JUN: variants seen among roughly 807,000 people sequenced by gnomAD.
JUN encodes the protein transcription factor Jun.
JUN carries 7 observed loss-of-function variants against 19.7 expected under a neutral mutation model. That is an observed-to-expected ratio of 0.36 (90% CI 0.20 to 0.67). The LOEUF is 0.67. Ranked by LOEUF, JUN falls within the 30% of genes least tolerant of loss-of-function variation. JUN has a pLI of 0.64. For missense variants in JUN, 373 were observed against 451.0 expected, an observed-to-expected ratio of 0.83 and a Z score of 1.57; for synonymous variants, 246 against 206.9, an observed-to-expected ratio of 1.19 and a Z score of -1.62.
In JUN at chr1:58,781,820, ACAGCCCGTCCGCAAAGCGGG is replaced by A. The variant is rs1313353295; in HGVS notation, c.*235_*254del. 9.7e-6 allele frequency: 5 copies of A among 513,142 alleles called. No homozygotes were observed. Among genetic ancestry groups the A allele is most frequent in the African/African-American group, 1.9e-5 (1 of 51,360 alleles). 31.8% of individuals were successfully genotyped at this position (513,142 alleles called of 1,614,324 possible). Reference sequence around the variant, plus strand: ...AGTCCAACGTTCCGTTCGCGCGGGGACAGCCCGTCCGCAAAGCGGGGCAGCCCGCAGGCGGCCGCTCCCTG... The same window carrying A: ...AGTCCAACGTTCCGTTCGCGCGGGGAGCAGCCCGCAGGCGGCCGCTCCCTG... On this transcript the variant is annotated 3_prime_UTR_variant, in exon 1 of 1. Coordinates refer to ENST00000371222, the MANE Select transcript of JUN (RefSeq NM_002228.4).
At position 58,781,976 on chromosome 1, in the gene JUN, A is replaced by G. The variant is rs1021965903; in HGVS notation, c.*99T>C. On this transcript the variant is annotated 3_prime_UTR_variant, in exon 1 of 1. Transcript: ENST00000371222. ...ATACCCTTGGCTTTAGTTCTCGGAC[A>G]CTTCTTTTTTCTCTCCGTCGCAACT... The G allele has an allele frequency of 1.9e-6, 2 of 1,060,470 alleles. No homozygotes were observed. The highest frequency in any genetic ancestry group is 1.6e-5 in the African/African-American group (1 of 62,804). The allele number at this position is 1,060,470 out of a possible 1,614,324, so 65.7% of individuals were successfully genotyped here.
In JUN at chr1:58,782,841, TCCAGCTCGGGCGACG is replaced by T; in HGVS notation, c.215_229del (p.Ala72_Leu76del). 6.2e-7 allele frequency: 1 copy of T among 1,613,988 alleles called. No homozygotes were observed. Among genetic ancestry groups the T allele is most frequent in the South Asian group, 1.1e-5 (1 of 91,068 alleles). ...GTTGCTGGACTGGATTATCAGGCGC[TCCAGCTCGGGCGACG>T]CCAGCTTGAGCAGCCCCACGTCGGG... On this transcript the variant is annotated inframe_deletion, in exon 1 of 1. Coordinates refer to ENST00000371222, the MANE Select transcript of JUN (RefSeq NM_002228.4). The surrounding 1 kb of genome is among the most constrained non-coding windows in gnomAD (Gnocchi z 8.7).
At position 58,783,681 on chromosome 1, in the gene JUN, GGGACTCTGCCACTTGT is replaced by G; in HGVS notation, c.-627_-612del. 4.1e-6 allele frequency: 1 copy of G among 244,520 alleles called. No homozygotes were observed. Among genetic ancestry groups the G allele is most frequent in the South Asian group, 1.8e-4 (1 of 5,540 alleles). The allele number at this position is 244,520 out of a possible 1,614,324, so 15.1% of individuals were successfully genotyped here. A position where few individuals can be genotyped will look rare whatever the true frequency, so the allele number is the denominator to read the frequency against. On this transcript the variant is annotated 5_prime_UTR_variant, in exon 1 of 1. Transcript: ENST00000371222. ...GGAAAGGCTTGCAAAAGTTGGCTCC[GGGACTCTGCCACTTGT>G]CTCCGGTCCTCCCAGCCGGGAAAGT...
Position 58,782,066 on chromosome 1 carries a change from G to T in JUN, c.*9C>A. 1 of 1,600,500 alleles carries T rather than the reference G, an allele frequency of 6.2e-7. No homozygotes were observed. Among genetic ancestry groups the T allele is most frequent in the Non-Finnish European group, 8.6e-7 (1 of 1,168,816 alleles). ...TCTTCGTTGCCCCTCAGCCCCCGAC[G>T]GTCTCTCTTCAAAATGTTTGCAACT... is the stretch of plus-strand genomic sequence containing the variant. On this transcript the variant is annotated 3_prime_UTR_variant, in exon 1 of 1. Coordinates refer to ENST00000371222, the MANE Select transcript of JUN (RefSeq NM_002228.4). The surrounding 1 kb of genome is among the most constrained non-coding windows in gnomAD (Gnocchi z 8.7).
In JUN at chr1:58,782,963, C is replaced by T. The variant is rs1172545314; in HGVS notation, c.108G>A (p.Gln36=). 1 of 1,614,112 alleles carries T rather than the reference C, an allele frequency of 6.2e-7. No homozygotes were observed. Reference sequence around the variant, plus strand: ...GGTCGGCCAGGTTCAGGGTCATGCTCTGTTTCAGGATCTTGGGGTTACTGT... The same window carrying T: ...GGTCGGCCAGGTTCAGGGTCATGCTTTGTTTCAGGATCTTGGGGTTACTGT... ...YGYSNPKILK[Q]SMTLNLADPV... is the part of the protein sequence containing the mutation. Residue 36 remains glutamine (Q), a synonymous_variant, in exon 1 of 1, where the codon CAG becomes CAA. Coordinates refer to ENST00000371222, the MANE Select transcript of JUN (RefSeq NM_002228.4). This position sits in a 1 kb window ranked among gnomAD's most constrained non-coding sequence, Gnocchi z 8.7.
chr1:58,783,498 T>G lies in JUN; in HGVS notation c.-428A>C. The stretch of plus-strand genomic sequence containing the variant: ...GCCCGGACTCCGACGACTTGTCCCC[T>G]CCTCCGCTGCTAGGGGGAGGGGGCG... On this transcript the variant is annotated 5_prime_UTR_variant, in exon 1 of 1. Transcript: ENST00000371222. 1 of 250,722 alleles carries G rather than the reference T, an allele frequency of 4.0e-6. No individual in the cohort carries two copies. The highest frequency in any genetic ancestry group is 8.3e-6 in the Non-Finnish European group (1 of 120,048). 15.5% of individuals were successfully genotyped at this position (250,722 alleles called of 1,614,324 possible).
rs776063293 is a variant in JUN, at chr1:58,782,325, G to A, written c.746C>T (p.Ser249Phe). 1 of 1,614,258 alleles carries A rather than the reference G, an allele frequency of 6.2e-7. No homozygotes were observed. The highest frequency in any genetic ancestry group is 8.5e-7 in the Non-Finnish European group (1 of 1,180,038). ...TPPLSPIDMESQERIKAERKR... is the reference protein window; with the variant it reads ...TPPLSPIDMEFQERIKAERKR... ...CCTCTCCGCCTTGATCCGCTCCTGG[G>A]ACTCCATGTCGATGGGGGACAGGGG... The change falls in exon 1 of 1, where the codon TCC becomes TTC. Residue 249 changes from serine to phenylalanine, a missense_variant. Ser to Phe is a radical substitution (Grantham distance 155, BLOSUM62 -2). Around this residue, in one of 4 missense-constraint regions of JUN, gnomAD observed 83 missense variants for 143.0 expected, o/e 0.58. Transcript: ENST00000371222. The surrounding 1 kb of genome is among the most constrained non-coding windows in gnomAD (Gnocchi z 8.7).
rs762524747 is a variant in JUN at position 58,783,047 on chromosome 1, G to C, written c.24C>G (p.Thr8=). The C allele has an allele frequency of 1.5e-5, 24 of 1,614,076 alleles. No homozygotes were observed. The highest frequency in any genetic ancestry group is 2.0e-5 in the Non-Finnish European group (24 of 1,179,944). ...AGGCGTTGAGGGCATCGTCATAGAA[G>C]GTCGTTTCCATCTTTGCAGTCATAG... is the stretch of plus-strand genomic sequence containing the variant. MTAKMET[T]FYDDALNASF... is the part of the protein sequence containing the mutation. Residue 8 remains threonine, a synonymous_variant, in exon 1 of 1, where the codon ACC becomes ACG. Coordinates refer to ENST00000371222, the MANE Select transcript of JUN (RefSeq NM_002228.4).
In JUN at chr1:58,783,482, C is replaced by T. The variant is rs960808727; in HGVS notation, c.-412G>A. 1.2e-5 allele frequency: 3 copies of T among 251,932 alleles called. No homozygotes were observed. Among genetic ancestry groups the T allele is most frequent in the African/African-American group, 6.6e-5 (3 of 45,414 alleles). The allele number at this position is 251,932 out of a possible 1,614,324, so 15.6% of individuals were successfully genotyped here. A position where few individuals can be genotyped will look rare whatever the true frequency, so the allele number is the denominator to read the frequency against. On this transcript the variant is annotated 5_prime_UTR_variant, in exon 1 of 1. Transcript: ENST00000371222. ...GCGGCGGGTCTTGGCCGCCCGGACT[C>T]CGACGACTTGTCCCCTCCTCCGCTG...
Position 58,783,770 on chromosome 1 carries a change from G to T in JUN, c.-700C>A, listed in dbSNP as rs879371096. ...CCGACTTCCCCCGGCGGGCGCGTGG[G>T]TACCGCTGCTTTCCGCCGCTGTCAA... On this transcript the variant is annotated 5_prime_UTR_variant, in exon 1 of 1. Coordinates refer to ENST00000371222, the MANE Select transcript of JUN (RefSeq NM_002228.4). 1 of 247,964 alleles carries T rather than the reference G, an allele frequency of 4.0e-6. No homozygotes were observed. Among genetic ancestry groups the T allele is most frequent in the East Asian group, 6.0e-5 (1 of 16,584 alleles). 15.4% of individuals were successfully genotyped at this position (247,964 alleles called of 1,614,324 possible).
Position 58,784,001 on chromosome 1 carries a change from T to G in JUN, c.-931A>C. The G allele has an allele frequency of 4.0e-6, 1 of 249,138 alleles. No homozygotes were observed. Among genetic ancestry groups the G allele is most frequent in the East Asian group, 6.0e-5 (1 of 16,630 alleles). The allele number at this position is 249,138 out of a possible 1,614,324, so 15.4% of individuals were successfully genotyped here. A position where few individuals can be genotyped will look rare whatever the true frequency, so the allele number is the denominator to read the frequency against. On this transcript the variant is annotated 5_prime_UTR_variant, in exon 1 of 1. Transcript: ENST00000371222. ...GTCTGTCTGCCTGACTCCGCGCACC[T>G]CCACTCCCGCCTCGCTGCTTCAGCC...
chr1:58,783,368 G>T lies in JUN; in HGVS notation c.-298C>A. The T allele has an allele frequency of 2.5e-6, 1 of 407,452 alleles. No homozygotes were observed. The highest frequency in any genetic ancestry group is 4.7e-6 in the Non-Finnish European group (1 of 213,836). 25.2% of individuals were successfully genotyped at this position (407,452 alleles called of 1,614,324 possible). A position where few individuals can be genotyped will look rare whatever the true frequency, so the allele number is the denominator to read the frequency against. On this transcript the variant is annotated 5_prime_UTR_variant, in exon 1 of 1. Transcript: ENST00000371222. Reference sequence around the variant, plus strand: ...CACTGAGCGCTCTTCGTGCGCAGCGGTTCCTCGGAGTCCGCAGGCGAACTC... The same window carrying T: ...CACTGAGCGCTCTTCGTGCGCAGCGTTTCCTCGGAGTCCGCAGGCGAACTC...
In JUN at chr1:58,781,631, C is replaced by A; in HGVS notation, c.*444G>T. ...AGCCTCGCTCTCACAAACCTCCCTC[C>A]TGCCGCCCCTCCCCAACCCTCCCCC... On this transcript the variant is annotated 3_prime_UTR_variant, in exon 1 of 1. Coordinates refer to ENST00000371222, the MANE Select transcript of JUN (RefSeq NM_002228.4). The A allele has an allele frequency of 4.0e-6, 1 of 248,072 alleles. No homozygotes were observed. The highest frequency in any genetic ancestry group is 8.0e-6 in the Non-Finnish European group (1 of 124,926). The allele number at this position is 248,072 out of a possible 1,614,324, so 15.4% of individuals were successfully genotyped here. A position where few individuals can be genotyped will look rare whatever the true frequency, so the allele number is the denominator to read the frequency against.
At position 58,782,993 on chromosome 1, in the gene JUN, A is replaced by G. The variant is rs1436726320; in HGVS notation, c.78T>C (p.Tyr26=). 2.5e-6 allele frequency: 4 copies of G among 1,614,226 alleles called. No homozygotes were observed. The highest frequency in any genetic ancestry group is 2.2e-5 in the East Asian group (1 of 44,884). The change falls in exon 1 of 1, where the codon TAT becomes TAC. Residue 26 remains tyrosine (Y), a synonymous_variant. Coordinates refer to ENST00000371222, the MANE Select transcript of JUN (RefSeq NM_002228.4). The surrounding 1 kb of genome is among the most constrained non-coding windows in gnomAD (Gnocchi z 8.7). ...ASFLPSESGP[Y]GYSNPKILKQ... ...TCAGGATCTTGGGGTTACTGTAGCC[A>G]TAAGGTCCGCTCTCGGACGGGAGGA... is the stretch of plus-strand genomic sequence containing the variant.
In JUN at chr1:58,783,268, G is replaced by T. The variant is rs1034537984; in HGVS notation, c.-198C>A. The T allele has an allele frequency of 5.3e-6, 4 of 748,684 alleles. No individual in the cohort carries two copies. Among genetic ancestry groups the T allele is most frequent in the Non-Finnish European group, 8.5e-6 (4 of 471,800 alleles). The allele number at this position is 748,684 out of a possible 1,614,324, so 46.4% of individuals were successfully genotyped here. Reference sequence around the variant, plus strand: ...ACCAGCTCGCTCCAGGGAGCGCAGGGTTAATTAAGATGCCTCCCGCACTCT... The same window carrying T: ...ACCAGCTCGCTCCAGGGAGCGCAGGTTTAATTAAGATGCCTCCCGCACTCT... On this transcript the variant is annotated 5_prime_UTR_variant, in exon 1 of 1. Coordinates refer to ENST00000371222, the MANE Select transcript of JUN (RefSeq NM_002228.4).
Position 58,782,021 on chromosome 1 carries a change from T to C in JUN, c.*54A>G. On this transcript the variant is annotated 3_prime_UTR_variant, in exon 1 of 1. Transcript: ENST00000371222. This position sits in a 1 kb window ranked among gnomAD's most constrained non-coding sequence, Gnocchi z 8.7. ...GCAACTTGTCAAGTTCTCAAGTCTG[T>C]CTCTCTGTGTTATTTTTTTTCTTCG... 7.2e-7 allele frequency: 1 copy of C among 1,390,340 alleles called. No individual in the cohort carries two copies. Among genetic ancestry groups the C allele is most frequent in the Non-Finnish European group, 1.0e-6 (1 of 990,212 alleles). The allele number at this position is 1,390,340 out of a possible 1,614,324, so 86.1% of individuals were successfully genotyped here.
At position 58,782,474 on chromosome 1, in the gene JUN, C is replaced by T. The variant is rs750682742; in HGVS notation, c.597G>A (p.Ala199=). 63 of 1,587,058 alleles carry T rather than the reference C, an allele frequency of 4.0e-5. No individual in the cohort carries two copies. The South Asian group carries it at 5.0e-4, about 13-fold the overall frequency. Residue 199 remains alanine (A), a synonymous_variant, in exon 1 of 1, where the codon GCG becomes GCA. Coordinates refer to ENST00000371222, the MANE Select transcript of JUN (RefSeq NM_002228.4). This position sits in a 1 kb window ranked among gnomAD's most constrained non-coding sequence, Gnocchi z 8.7. ...SYGAAGLAFP[A]QPQQQQQPPH... ...GCGGCTGCTGCTGCTGCTGGGGTTG[C>T]GCGGGAAAGGCCAGGCCGGCCGCGC...
In JUN at chr1:58,783,018, A is replaced by T. The variant is rs779848109; in HGVS notation, c.53T>A (p.Phe18Tyr). The T allele has an allele frequency of 1.2e-6, 2 of 1,614,094 alleles. No individual in the cohort carries two copies. The highest frequency in any genetic ancestry group is 2.2e-5 in the South Asian group (2 of 91,072). ...TFYDDALNAS[F>Y]LPSESGPYGY... ...ATAAGGTCCGCTCTCGGACGGGAGGAACGAGGCGTTGAGGGCATCGTCATA... is the reference window on the plus strand; with the variant it reads ...ATAAGGTCCGCTCTCGGACGGGAGGTACGAGGCGTTGAGGGCATCGTCATA... Residue 18 changes from phenylalanine to tyrosine, a missense_variant, in exon 1 of 1, where the codon TTC (phenylalanine) becomes TAC (tyrosine). Coordinates refer to ENST00000371222, the MANE Select transcript of JUN (RefSeq NM_002228.4).
rs943034967 is a variant in JUN, at chr1:58,781,875, C to T, written c.*200G>A. On this transcript the variant is annotated 3_prime_UTR_variant, in exon 1 of 1. Transcript: ENST00000371222. The stretch of plus-strand genomic sequence containing the variant: ...AGGCGGCCGCTCCCTGGCTCCACGC[C>T]AAGGGAGGGCGCGCCAAGTCCTTCC... The T allele has an allele frequency of 7.4e-5, 44 of 591,684 alleles. No individual in the cohort carries two copies. Among genetic ancestry groups the T allele is most frequent in the African/African-American group, 7.1e-4 (38 of 53,612 alleles). The allele number at this position is 591,684 out of a possible 1,614,324, so 36.7% of individuals were successfully genotyped here.
Sources: allele counts gnomAD v4.1 joint callset, GRCh38; gene constraint gnomAD v4.1.1; regional missense constraint gnomAD v4.1.1; non-coding constraint Gnocchi (gnomAD v3.1); transcripts MANE v1.5; gene names NCBI Gene and HGNC (gene_info 2026-07-23, HGNC 2026-07-21).